The following PRR16 variants were observed in gnomAD, a reference collection of about 807,000 sequenced individuals.
The protein encoded by PRR16 is protein Largen.
In PRR16, 6 loss-of-function variants were observed where a neutral mutation model predicts 18.2. The ratio of observed to expected loss-of-function variants is 0.33; its 90% CI spans 0.18 to 0.65. The LOEUF is 0.65. Ranked by LOEUF, PRR16 falls within the 30% of genes least tolerant of loss-of-function variation. The pLI is 0.74. For missense variants in PRR16, 412 were observed against 376.6 expected (o/e 1.09, Z -0.78); for synonymous variants, 151 against 147.8 (o/e 1.02, Z -0.16).
the PRR16 span, among the ~76,000 whole-genome samples, chr5:120,778,211 ACC>A: frequency 6.6e-6 from 1 of 152,120 alleles, no homozygotes; most frequent in Non-Finnish European, 1.5e-5. Context: ...TAAGGAATTG[ACC>A]CATTCTCAGG....
chr5:120,556,230 A>ATTTTTTT (rs1232157382), intron 1 of PRR16, among the ~76,000 whole-genome samples: 1 of 100,516 alleles, frequency 9.9e-6, no homozygotes, highest in African/African-American at 4.1e-5. Context: ...GGTCAATTTC[A>ATTTTTTT]TTGTTTTTTT....
At chr5:120,578,036 G>T (rs948021031) in intron 1 of PRR16, among the ~76,000 whole-genome samples, 1 of 151,932 alleles carries the variant, frequency 6.6e-6, no homozygotes, top group Non-Finnish European at 1.5e-5. Context: ...ATAAGAAAAA[G>T]AATTAATTTA....
chr5:120,751,791 G>T, the PRR16 span, among the ~76,000 whole-genome samples: 1 of 152,044 alleles, frequency 6.6e-6, no homozygotes, highest in Non-Finnish European at 1.5e-5. Context: ...GGACATCTTT[G>T]TAGGGGGTGG....
At chr5:120,600,768 C>A (rs1270497181) in intron 1 of PRR16, among the ~76,000 whole-genome samples, 5 of 151,878 alleles carry the variant, frequency 3.3e-5, no homozygotes, top group Non-Finnish European at 7.4e-5. Context: ...CTGTTCCCAT[C>A]TTTATGTCCA....
intron 1 of PRR16, among the ~76,000 whole-genome samples, chr5:120,492,682 C>T (rs568931497): frequency 2.6e-5 from 4 of 152,078 alleles, no homozygotes; most frequent in African/African-American, 7.2e-5. Flanking sequence ...CAGTGTACAC[C>T]GTACCCAATG....
At chr5:120,521,968 A>C (rs1751196398) in intron 1 of PRR16, among the ~76,000 whole-genome samples, 1 of 152,164 alleles carries the variant, frequency 6.6e-6, no homozygotes, top group African/African-American at 2.4e-5. Context: ...GATGGTTTCC[A>C]GCTTCATCCA....
At chr5:120,586,712 C>T (rs1419297605) in intron 1 of PRR16, among the ~76,000 whole-genome samples, 3 of 152,212 alleles carry the variant, frequency 2.0e-5, no homozygotes, top group East Asian at 3.9e-4. Flanking sequence ...TGGCCATTTC[C>T]GTCTTTCTTC....
At chr5:120,783,771 A>C in the PRR16 span, among the ~76,000 whole-genome samples, 1 of 152,120 alleles carries the variant, frequency 6.6e-6, no homozygotes, top group Non-Finnish European at 1.5e-5. Flanking sequence ...ATTTATTGTT[A>C]ACTATAGTCA....
intron 1 of PRR16, among the ~76,000 whole-genome samples, chr5:120,644,658 A>G (rs1755532850): frequency 6.6e-6 from 1 of 152,138 alleles, no homozygotes. Context: ...GAAGTCCAGC[A>G]TTACCTCATT....
At chr5:120,647,354 G>T (rs1017228514) in intron 1 of PRR16, among the ~76,000 whole-genome samples, 1 of 151,618 alleles carries the variant, frequency 6.6e-6, no homozygotes, top group Non-Finnish European at 1.5e-5. Flanking sequence ...AATTAAAATT[G>T]TTTGGATGTG....
At chr5:120,714,978 G>C in the PRR16 span, among the ~76,000 whole-genome samples, 2 of 152,138 alleles carry the variant, frequency 1.3e-5, no homozygotes, top group Admixed American at 1.3e-4. Flanking sequence ...ACACACACCA[G>C]GGCCTGTTGG....
At chr5:120,749,030 G>T in the PRR16 span, among the ~76,000 whole-genome samples, 1 of 152,000 alleles carries the variant, frequency 6.6e-6, no homozygotes, top group Non-Finnish European at 1.5e-5. Flanking sequence ...ACCTCCAAGT[G>T]GCAGTAGTAT....
At chr5:120,707,416 C>T in the PRR16 span, among the ~76,000 whole-genome samples, 1 of 152,200 alleles carries the variant, frequency 6.6e-6, no homozygotes, top group East Asian at 1.9e-4. Flanking sequence ...GAATGGGTCC[C>T]AAAGCTCTTC....
intron 1 of PRR16, among the ~76,000 whole-genome samples, chr5:120,662,736 G>A (rs908804149): frequency 2.0e-5 from 3 of 151,978 alleles, no homozygotes; most frequent in African/African-American, 7.3e-5. Context: ...TTTCCTTAAC[G>A]TGTTTCTCTC....
the PRR16 span, among the ~76,000 whole-genome samples, chr5:120,701,736 A>G: frequency 3.9e-5 from 6 of 152,148 alleles, no homozygotes; most frequent in African/African-American, 1.4e-4. Context: ...CTGAGGGGAT[A>G]GACAGGAGGG....
chr5:120,627,318 T>C (rs1442441493), intron 1 of PRR16, among the ~76,000 whole-genome samples: 1 of 152,108 alleles, frequency 6.6e-6, no homozygotes, highest in African/African-American at 2.4e-5. Context: ...CTCAAATTAG[T>C]AGATACTTAA....
the PRR16 span, among the ~76,000 whole-genome samples, chr5:120,701,931 A>C: frequency 1.9e-3 from 283 of 152,278 alleles, 1 homozygote; most frequent in African/African-American, 6.1e-3. Flanking sequence ...CGACTGTCGA[A>C]TTTGTACTGG....
the PRR16 span, among the ~76,000 whole-genome samples, chr5:120,755,557 T>C: frequency 2.0e-5 from 3 of 152,232 alleles, no homozygotes; most frequent in East Asian, 1.9e-4. Flanking sequence ...GCAAATAATA[T>C]GATTTCATCC....
chr5:120,577,774 G>C (rs1753127941), intron 1 of PRR16, among the ~76,000 whole-genome samples: 1 of 152,168 alleles, frequency 6.6e-6, no homozygotes, highest in Non-Finnish European at 1.5e-5. Flanking sequence ...CTGTAGCAGG[G>C]ACAGTACTAA....
Sources: allele counts gnomAD v4.1 joint callset (sites outside exome capture counted in the v4.1 genomes callset), GRCh38; gene constraint gnomAD v4.1.1; transcripts MANE v1.5; gene names NCBI Gene and HGNC (gene_info 2026-07-23, HGNC 2026-07-21).